The following CCSER1 variants were observed in gnomAD, a reference collection of about 807,000 sequenced individuals.
CCSER1 encodes serine-rich coiled-coil domain-containing protein 1.
Under a neutral mutation model 82.0 loss-of-function variants are expected in CCSER1, and 41 were observed. That is an observed-to-expected ratio of 0.50 (90% CI 0.39 to 0.65). The LOEUF (loss-of-function observed/expected upper bound fraction) is 0.65, where lower values mean the gene tolerates loss of function less well. Among genes scored for constraint, CCSER1 ranks in the 30% least tolerant of loss-of-function variants. The probability of loss-of-function intolerance (pLI) is 0.00; values close to 1 mark genes in which losing one functional copy is unlikely to be tolerated. For synonymous variants in CCSER1, 414 were observed against 383.9 expected, an observed-to-expected ratio of 1.08 and a Z score of -0.92; for missense variants, 1,119 against 1,064.2, an observed-to-expected ratio of 1.05 and a Z score of -0.72.
intron 3 of CCSER1, among the ~76,000 whole-genome samples, chr4:90,328,741 T>A (rs886959569): frequency 6.6e-6 from 1 of 152,112 alleles, no homozygotes; most frequent in Non-Finnish European, 1.5e-5. Flanking sequence ...CTCTGCTTTG[T>A]CTCCTTCAGA....
intron 1 of CCSER1, among the ~76,000 whole-genome samples, chr4:90,241,518 T>G (rs1746832589): frequency 6.6e-6 from 1 of 152,358 alleles, no homozygotes; most frequent in East Asian, 1.9e-4. Context: ...AATCACATTT[T>G]ATTTTCCTAG....
intron 10 of CCSER1, among the ~76,000 whole-genome samples, chr4:91,218,569 G>C (rs1055905820): frequency 8.5e-5 from 13 of 152,184 alleles, no homozygotes; most frequent in African/African-American, 2.7e-4. Flanking sequence ...GATTTTTATA[G>C]AAGCTTACTA....
At chr4:91,024,349 G>A (rs1242013756) in intron 9 of CCSER1, among the ~76,000 whole-genome samples, 1 of 151,976 alleles carries the variant, frequency 6.6e-6, no homozygotes, top group Non-Finnish European at 1.5e-5. Context: ...AAACTATTCT[G>A]TATGTTTTTG....
chr4:90,769,540 AG>A (rs752945881), intron 7 of CCSER1, among the ~76,000 whole-genome samples: 1 of 152,198 alleles, frequency 6.6e-6, no homozygotes, highest in Non-Finnish European at 1.5e-5. Context: ...GAATTGTTAT[AG>A]GCCAGTGGCT....
At chr4:91,141,088 T>G (rs1449049919) in intron 10 of CCSER1, among the ~76,000 whole-genome samples, 10 of 152,160 alleles carry the variant, frequency 6.6e-5, no homozygotes, top group Non-Finnish European at 1.5e-4. Context: ...TACATTAATT[T>G]ACTTTTTACT....
intron 10 of CCSER1, among the ~76,000 whole-genome samples, chr4:91,347,299 C>T (rs927282023): frequency 6.6e-6 from 1 of 152,048 alleles, no homozygotes; most frequent in African/African-American, 2.4e-5. Context: ...ACTATATTTG[C>T]TATTTTGTTC....
intron 10 of CCSER1, among the ~76,000 whole-genome samples, chr4:91,396,279 C>T (rs1310627626): frequency 2.6e-5 from 4 of 151,998 alleles, no homozygotes; most frequent in Non-Finnish European, 5.9e-5. Flanking sequence ...AGAAAATGGT[C>T]AGATAAGTGG....
intron 7 of CCSER1, among the ~76,000 whole-genome samples, chr4:90,726,473 C>G (rs1460536760): frequency 6.6e-6 from 1 of 152,024 alleles, no homozygotes; most frequent in Non-Finnish European, 1.5e-5. Context: ...TAGGGACTAT[C>G]CCAAGGTAGG....
intron 1 of CCSER1, among the ~76,000 whole-genome samples, chr4:90,239,345 GCATT>G (rs1434962699): frequency 2.0e-5 from 3 of 152,238 alleles, no homozygotes; most frequent in South Asian, 2.1e-4. Context: ...TGCACTTTAT[GCATT>G]GATCTTTGAC....
At chr4:91,481,707 C>A (rs1757925183) in intron 10 of CCSER1, among the ~76,000 whole-genome samples, 2 of 152,120 alleles carry the variant, frequency 1.3e-5, no homozygotes, top group Non-Finnish European at 2.9e-5. Flanking sequence ...ACATACAAAA[C>A]CCTAAATGTG....
intron 10 of CCSER1, among the ~76,000 whole-genome samples, chr4:91,519,358 T>C (rs1183692357): frequency 6.6e-6 from 1 of 152,050 alleles, no homozygotes. Context: ...GTCCGGGAGG[T>C]ACAGAGCTGC....
intron 10 of CCSER1, among the ~76,000 whole-genome samples, chr4:91,411,064 G>A (rs1216915221): frequency 6.6e-6 from 1 of 151,762 alleles, no homozygotes; most frequent in African/African-American, 2.4e-5. Flanking sequence ...ATAATTTTAT[G>A]TAATTTTATA....
At chr4:90,945,082 A>G (rs993162791) in intron 9 of CCSER1, among the ~76,000 whole-genome samples, 2 of 152,114 alleles carry the variant, frequency 1.3e-5, no homozygotes, top group African/African-American at 4.8e-5. Flanking sequence ...GCTTTTCTTG[A>G]TGATTATCTT....
At chr4:91,254,677 G>A (rs76937022) in intron 10 of CCSER1, among the ~76,000 whole-genome samples, 3,248 of 152,196 alleles carry the variant, frequency 0.021, 113 homozygotes, top group African/African-American at 0.072. Flanking sequence ...ATACTCAAAA[G>A]TGGTAAAGAT....
intron 10 of CCSER1, among the ~76,000 whole-genome samples, chr4:91,379,189 C>T (rs1578312190): frequency 6.6e-6 from 1 of 152,162 alleles, no homozygotes; most frequent in Non-Finnish European, 1.5e-5. Flanking sequence ...CGATCTTCAT[C>T]AGGGATATTG....
chr4:90,532,126 A>G lies in CCSER1; in HGVS notation c.1724+63772A>G, dbSNP rs535926917. On this transcript the variant is annotated intron_variant, in intron 5 of 10. Transcript: ENST00000509176. ...CTATATAGTATCTTTATAAATCAAAAGTATGATTATTTATCTTATATGACC... is the reference window on the plus strand; with the variant it reads ...CTATATAGTATCTTTATAAATCAAAGGTATGATTATTTATCTTATATGACC... Among the ~76,000 whole-genome samples the G allele has an allele frequency of 2.0e-5, 3 of 152,328 alleles. No individual in the cohort carries two copies. The South Asian group carries it at 6.2e-4, about 32-fold the overall frequency.
intron 10 of CCSER1, among the ~76,000 whole-genome samples, chr4:91,522,017 TA>T (rs1436583171): frequency 6.6e-6 from 1 of 152,252 alleles, no homozygotes; most frequent in Non-Finnish European, 1.5e-5. Context: ...GTTTTAGGTC[TA>T]ACATTGAAGT....
chr4:91,121,165 C>T (rs1727057556), intron 10 of CCSER1, among the ~76,000 whole-genome samples: 1 of 151,380 alleles, frequency 6.6e-6, no homozygotes, highest in Admixed American at 6.6e-5. Context: ...TTCATCCCTC[C>T]CCTGCTCCCC....
intron 5 of CCSER1, among the ~76,000 whole-genome samples, chr4:90,583,324 C>T (rs887430915): frequency 2.0e-5 from 3 of 152,168 alleles, no homozygotes; most frequent in Admixed American, 1.3e-4. Context: ...CGCCACTACG[C>T]CTGGCTAATT....
Sources: gnomAD v4.1 joint callset for allele counts (sites outside exome capture counted in the v4.1 genomes callset) on GRCh38, gnomAD v4.1.1 for gene constraint, MANE v1.5 for transcripts, NCBI Gene and HGNC (gene_info 2026-07-23, HGNC 2026-07-21) for gene names.